The following AGMO variants were observed in gnomAD, a reference collection of about 807,000 sequenced individuals.
The protein encoded by AGMO is alkylglycerol monooxygenase, also known as glyceryl-ether monooxygenase.
AGMO carries 75 observed loss-of-function variants against 60.2 expected under a neutral mutation model. The observed-to-expected ratio is 1.25, with a 90% CI of 1.03 to 1.51. The LOEUF (loss-of-function observed/expected upper bound fraction) is 1.51. Ranked by LOEUF, AGMO falls within the 40% of genes most tolerant of loss-of-function variation. AGMO has a pLI of 0.00. For synonymous variants in AGMO, 261 were observed against 177.1 expected (o/e 1.47, Z -3.76); for missense variants, 763 against 525.5 (o/e 1.45, Z -4.42).
intron 3 of AGMO, among the ~76,000 whole-genome samples, chr7:15,462,166 G>A (rs1041803696): frequency 2.6e-5 from 4 of 151,938 alleles, no homozygotes; most frequent in South Asian, 4.1e-4. Context: ...GACAAGTTTC[G>A]GAGAATATCA....
At chr7:15,301,389 A>G (rs964994571) in intron 12 of AGMO, among the ~76,000 whole-genome samples, 2 of 152,154 alleles carry the variant, frequency 1.3e-5, no homozygotes, top group Non-Finnish European at 2.9e-5. Flanking sequence ...CAGTGAGCCA[A>G]GATCACGCCA....
At chr7:15,501,860 G>GA (rs1030373262) in intron 3 of AGMO, among the ~76,000 whole-genome samples, 17 of 150,908 alleles carry the variant, frequency 1.1e-4, no homozygotes, top group Middle Eastern at 3.4e-3. Context: ...ATGAGCTGCA[G>GA]AAAAAAAAAT....
intron 4 of AGMO, 145 bp downstream of exon 4, chr7:15,430,859 AT>A (rs1781215312): frequency 2.0e-6 from 1 of 500,858 alleles, no homozygotes; most frequent in African/African-American, 2.0e-5. Flanking sequence ...GAAAAGAAAG[AT>A]TTTAGCATCT....
intron 12 of AGMO, among the ~76,000 whole-genome samples, chr7:15,353,759 G>C (rs1307233916): frequency 2.0e-5 from 3 of 152,194 alleles, no homozygotes; most frequent in African/African-American, 4.8e-5. Flanking sequence ...CTTGAACAAA[G>C]TATTATTTGC....
intron 12 of AGMO, among the ~76,000 whole-genome samples, chr7:15,281,372 C>T (rs112590334): frequency 8.4e-4 from 128 of 152,172 alleles, no homozygotes; most frequent in Non-Finnish European, 1.6e-3. Context: ...TTCTGGAATA[C>T]TTCAGGGTGT....
At chr7:15,267,534 T>C (rs1315016372) in intron 12 of AGMO, among the ~76,000 whole-genome samples, 1 of 152,006 alleles carries the variant, frequency 6.6e-6, no homozygotes, top group African/African-American at 2.4e-5. Context: ...TTCACGACAG[T>C]CATTCAGGGA....
At chr7:15,340,794 G>A (rs1306619446) in intron 12 of AGMO, among the ~76,000 whole-genome samples, 1 of 152,162 alleles carries the variant, frequency 6.6e-6, no homozygotes, top group Non-Finnish European at 1.5e-5. Context: ...CTCTGCTAGG[G>A]CAGTGCAGAA....
At chr7:15,212,641 A>G (rs183269296) in intron 12 of AGMO, among the ~76,000 whole-genome samples, 26 of 152,140 alleles carry the variant, frequency 1.7e-4, no homozygotes, top group Admixed American at 1.6e-3. Flanking sequence ...TAGCACAGCT[A>G]TCTTAACAAG....
chr7:15,333,190 C>A (rs920152763), intron 12 of AGMO, among the ~76,000 whole-genome samples: 1 of 152,116 alleles, frequency 6.6e-6, no homozygotes, highest in African/African-American at 2.4e-5. Flanking sequence ...CTCATCCCAG[C>A]AGGTGTCAAG....
chr7:15,123,700 G>C, the AGMO span, among the ~76,000 whole-genome samples: 1 of 151,770 alleles, frequency 6.6e-6, no homozygotes, highest in South Asian at 2.1e-4. Context: ...CATAAACTAA[G>C]TTTGAGCCTG....
chr7:15,161,234 AATG>A, the AGMO span, among the ~76,000 whole-genome samples: 1 of 152,184 alleles, frequency 6.6e-6, no homozygotes, highest in Admixed American at 6.5e-5. Flanking sequence ...GTACACTTTG[AATG>A]AAGCCAATTA....
intron 12 of AGMO, among the ~76,000 whole-genome samples, chr7:15,248,218 A>ATG (rs1441225766): frequency 9.4e-6 from 1 of 106,320 alleles, no homozygotes; most frequent in African/African-American, 3.8e-5. Context: ...ATATATATAT[A>ATG]TATATATCTT....
intron 3 of AGMO, among the ~76,000 whole-genome samples, chr7:15,449,336 CT>C (rs1781794781): frequency 3.2e-4 from 7 of 22,184 alleles, no homozygotes; most frequent in Non-Finnish European, 1.1e-3. Context: ...TTCTCTTTCT[CT>C]CTCTCTCTCT....
intron 3 of AGMO, among the ~76,000 whole-genome samples, chr7:15,489,188 T>G (rs75923494): frequency 0.11 from 16,230 of 152,164 alleles, 1,120 homozygotes; most frequent in Non-Finnish European, 0.16. Flanking sequence ...ACTTTCACAA[T>G]TGTCATAAAG....
At chr7:15,295,036 A>C (rs1033244245) in intron 12 of AGMO, among the ~76,000 whole-genome samples, 6 of 151,880 alleles carry the variant, frequency 4.0e-5, no homozygotes, top group Non-Finnish European at 8.8e-5. Context: ...CAATAATAAG[A>C]GATGTATTTC....
At chr7:15,246,415 G>A (rs1430955666) in intron 12 of AGMO, among the ~76,000 whole-genome samples, 2 of 152,056 alleles carry the variant, frequency 1.3e-5, no homozygotes, top group Admixed American at 6.5e-5. Context: ...TATATTCTCT[G>A]ATAAGGTAGA....
At chr7:15,524,801 G>T (rs1784081377) in intron 3 of AGMO, among the ~76,000 whole-genome samples, 1 of 150,534 alleles carries the variant, frequency 6.6e-6, no homozygotes, top group African/African-American at 2.4e-5. Flanking sequence ...GGCCAACGTT[G>T]CAGTGAGCTG....
intron 3 of AGMO, among the ~76,000 whole-genome samples, chr7:15,463,196 G>T (rs1357888059): frequency 1.3e-5 from 2 of 152,080 alleles, no homozygotes; most frequent in African/African-American, 4.8e-5. Context: ...ATTTATAAGA[G>T]GCCAGATTGC....
chr7:15,294,172 A>C (rs372629467), intron 12 of AGMO, among the ~76,000 whole-genome samples: 1 of 152,254 alleles, frequency 6.6e-6, no homozygotes. Context: ...ATAGTAAAAC[A>C]GAGTCGGCAT....
Sources: gnomAD v4.1 joint callset for allele counts (sites outside exome capture counted in the v4.1 genomes callset) on GRCh38, gnomAD v4.1.1 for gene constraint, MANE v1.5 for transcripts, NCBI Gene and HGNC (gene_info 2026-07-23, HGNC 2026-07-21) for gene names.